The following OMA1 variants were observed in gnomAD, a reference collection of about 807,000 sequenced individuals.
The protein encoded by OMA1 is metalloendopeptidase OMA1, mitochondrial.
A neutral mutation model predicts 30.9 loss-of-function variants in OMA1; 38 were observed. That is an observed-to-expected ratio of 1.23 (90% CI 0.95 to 1.61). OMA1 has a LOEUF of 1.61. Among genes scored for constraint, OMA1 ranks in the 40% most tolerant of loss-of-function variants. The pLI is 0.00. For missense variants in OMA1, 461 were observed against 349.2 expected (o/e 1.32, Z -2.55); for synonymous variants, 173 against 121.9 (o/e 1.42, Z -2.76).
intron 1 of OMA1, among the ~76,000 whole-genome samples, chr1:58,544,507 A>AT (rs576682477): frequency 8.4e-4 from 128 of 152,342 alleles, no homozygotes; most frequent in African/African-American, 3.0e-3. Flanking sequence ...TTCACCTTAT[A>AT]TATTTCTGTG....
chr1:58,530,022 A>G (rs1387297914), intron 6 of OMA1, among the ~76,000 whole-genome samples: 1 of 151,930 alleles, frequency 6.6e-6, no homozygotes, highest in Non-Finnish European at 1.5e-5. Context: ...CTGAGACTAC[A>G]GGCGCCCGCC....
chr1:58,534,409 C>A, intron 3 of OMA1, 78 bp from the exon 4 acceptor site: 1 of 657,788 alleles, frequency 1.5e-6, no homozygotes, highest in Non-Finnish European at 2.6e-6. Flanking sequence ...AGTTATATGG[C>A]TACTTATTAT....
chr1:58,482,784 G>A (rs1645511170), intron 8 of OMA1, among the ~76,000 whole-genome samples: 1 of 152,160 alleles, frequency 6.6e-6, no homozygotes. Flanking sequence ...AGGGAGATGG[G>A]AGCGTGCCTG....
chr1:58,483,267 C>A (rs1017696463), intron 8 of OMA1, among the ~76,000 whole-genome samples: 1 of 152,144 alleles, frequency 6.6e-6, no homozygotes, highest in Admixed American at 6.5e-5. Context: ...TCAAACATAT[C>A]TGGGCAAGGA....
At chr1:58,489,304 C>G (rs913134064) in intron 8 of OMA1, among the ~76,000 whole-genome samples, 2 of 152,238 alleles carry the variant, frequency 1.3e-5, no homozygotes, top group Admixed American at 1.3e-4. Flanking sequence ...TATCCCACGC[C>G]TGGCTCAAAG....
intron 7 of OMA1, among the ~76,000 whole-genome samples, chr1:58,507,387 TCAA>T (rs1646005559): frequency 6.6e-6 from 1 of 151,976 alleles, no homozygotes; most frequent in African/African-American, 2.4e-5. Flanking sequence ...TGCATGCTAG[TCAA>T]CAACCATGCT....
chr1:58,492,216 C>T (rs935079851), intron 8 of OMA1, among the ~76,000 whole-genome samples: 10 of 151,982 alleles, frequency 6.6e-5, no homozygotes, highest in African/African-American at 1.4e-4. Flanking sequence ...TTGAAACCAA[C>T]GAGAACAAAG....
chr1:58,515,763 G>T (rs979313768), intron 7 of OMA1, among the ~76,000 whole-genome samples: 1 of 151,866 alleles, frequency 6.6e-6, no homozygotes, highest in African/African-American at 2.4e-5. Flanking sequence ...AAGAACTAAG[G>T]GTCTTCCTAC....
At chr1:58,543,973 T>C (rs1646662760) in intron 1 of OMA1, among the ~76,000 whole-genome samples, 1 of 152,202 alleles carries the variant, frequency 6.6e-6, no homozygotes, top group East Asian at 1.9e-4. Flanking sequence ...CATATGTGGC[T>C]AGTGTCTACT....
At chr1:58,541,629 A>C (rs916893962) in intron 1 of OMA1, 32 of 146,506 alleles carry the variant, frequency 2.2e-4, no homozygotes, top group African/African-American at 7.3e-4. Context: ...AAAAAAAAAA[A>C]AAAAAAAAAA....
intron 8 of OMA1, among the ~76,000 whole-genome samples, chr1:58,497,080 A>G (rs1211642757): frequency 6.6e-6 from 1 of 152,180 alleles, no homozygotes; most frequent in Non-Finnish European, 1.5e-5. Flanking sequence ...CATCACCTAT[A>G]AAATATCCTT....
At position 58,489,261 on chromosome 1, in the gene OMA1, G is replaced by A. The variant is rs541909010; in HGVS notation, c.1366-8087C>T. Among the ~76,000 whole-genome samples, 35 of 152,278 alleles carry A rather than the reference G, an allele frequency of 2.3e-4. 1 individual carries two copies. The South Asian group carries it at 6.0e-3, about 26-fold the overall frequency. On this transcript the variant is annotated intron_variant, in intron 8 of 8. Transcript: ENST00000371226. The stretch of plus-strand genomic sequence containing the variant: ...TCCCACCCTAATACTGCAATTTTCC[G>A]ACGGTCTTAGCAAACGGCACACCAG...
chr1:58,487,919 C>T (rs2100364932), intron 8 of OMA1, among the ~76,000 whole-genome samples: 1 of 152,228 alleles, frequency 6.6e-6, no homozygotes, highest in Admixed American at 6.5e-5. Flanking sequence ...TTCTCCTGAT[C>T]CTATTTACAT....
chr1:58,500,951 C>T (rs1645897438), intron 8 of OMA1, among the ~76,000 whole-genome samples: 2 of 152,156 alleles, frequency 1.3e-5, no homozygotes, highest in African/African-American at 2.4e-5. Context: ...TTATAATATA[C>T]ATAAAGTCTG....
intron 8 of OMA1, among the ~76,000 whole-genome samples, chr1:58,491,962 A>G (rs946416361): frequency 5.3e-5 from 8 of 152,234 alleles, no homozygotes; most frequent in Admixed American, 1.3e-4. Context: ...CAGAATATAC[A>G]TTCTTTTCAG....
intron 7 of OMA1, among the ~76,000 whole-genome samples, chr1:58,510,649 A>G (rs1646060018): frequency 6.6e-6 from 1 of 152,104 alleles, no homozygotes; most frequent in Admixed American, 6.6e-5. Flanking sequence ...GAAAGAAATA[A>G]AAGGCATTTA....
At chr1:58,500,239 A>T (rs1645884409) in intron 8 of OMA1, among the ~76,000 whole-genome samples, 1 of 152,100 alleles carries the variant, frequency 6.6e-6, no homozygotes, top group Admixed American at 6.6e-5. Context: ...CTGGCTTTAT[A>T]TGATTCAGAA....
intron 2 of OMA1, among the ~76,000 whole-genome samples, chr1:58,538,108 T>TA (rs1646546566): frequency 6.6e-6 from 1 of 152,218 alleles, no homozygotes; most frequent in Non-Finnish European, 1.5e-5. Context: ...CATGTGGTAG[T>TA]AAGAAGGCTA....
rs148145860 is a variant in OMA1 at position 58,490,795 on chromosome 1, CTTTTTTTTTTT to C, written c.1366-9632_1366-9622del. 8.6e-4 allele frequency among the ~76,000 whole-genome samples: 51 copies of C among 59,272 alleles called. 1 individual carries two copies. The highest frequency in any genetic ancestry group is 2.9e-3 in the South Asian group (3 of 1,034). The allele number at this position is 59,272 out of a possible 152,430, so 38.9% of individuals were successfully genotyped here. ...AGAGTGGGGGCCAATAGTCAACATT[CTTTTTTTTTTT>C]TTTTTTTTTTTTTTTTTTTGAGACG... On this transcript the variant is annotated intron_variant, in intron 8 of 8. Coordinates refer to ENST00000371226, the MANE Select transcript of OMA1 (RefSeq NM_145243.5).
Sources: gnomAD v4.1 joint callset for allele counts (sites outside exome capture counted in the v4.1 genomes callset) on GRCh38, gnomAD v4.1.1 for gene constraint, MANE v1.5 for transcripts, NCBI Gene and HGNC (gene_info 2026-07-23, HGNC 2026-07-21) for gene names.